REV1: variants seen among roughly 807,000 people sequenced by gnomAD.
REV1 encodes translesion synthesis protein REV1.
In REV1, 42 loss-of-function variants were observed where a neutral mutation model predicts 137.4. The ratio of observed to expected loss-of-function variants is 0.31; its 90% CI spans 0.24 to 0.40. REV1 has a LOEUF of 0.40. Among genes scored for constraint, REV1 ranks in the 10% least tolerant of loss-of-function variants. The pLI, the probability that REV1 is intolerant of heterozygous loss-of-function variation, is 1.00. For missense variants in REV1, 1,282 were observed against 1,490.1 expected (o/e 0.86, Z 2.30); for synonymous variants, 524 against 519.2 (o/e 1.01, Z -0.12).
intron 1 of REV1, among the ~76,000 whole-genome samples, chr2:99,472,413 A>G (rs578015037): frequency 1.3e-5 from 2 of 152,372 alleles, no homozygotes; most frequent in East Asian, 3.9e-4. Flanking sequence ...TTTAACAGGT[A>G]GAGTCTCAGG....
intron 3 of REV1, chr2:99,451,648 C>T (rs1423412850): frequency 4.6e-6 from 2 of 436,664 alleles, no homozygotes; most frequent in East Asian, 1.4e-4. Flanking sequence ...AAAGCTGTTA[C>T]AATGAAATTA....
chr2:99,463,228 T>G (rs1684429057), intron 2 of REV1, among the ~76,000 whole-genome samples: 1 of 151,500 alleles, frequency 6.6e-6, no homozygotes. Flanking sequence ...AAGTCAATAA[T>G]AATAATACTG....
Position 99,402,934 on chromosome 2 carries a change from A to G in REV1, c.3339T>C (p.Ile1113=). 6.2e-7 allele frequency: 1 copy of G among 1,614,182 alleles called. No homozygotes were observed. Among genetic ancestry groups the G allele is most frequent in the Non-Finnish European group, 8.5e-7 (1 of 1,180,040 alleles). Residue 1113 remains isoleucine, a synonymous_variant, in exon 20 of 23, where the codon ATT becomes ATC. Coordinates refer to ENST00000258428, the MANE Select transcript of REV1 (RefSeq NM_016316.4). The part of the protein sequence containing the change: ...PGACGSPQKL[I]DGFLKHEGPP... ...GTCCTTCATGTTTTAGAAACCCATC[A>G]ATTAACTTCTGGGGACTGCCACAGG...
intron 1 of REV1, among the ~76,000 whole-genome samples, chr2:99,468,547 A>G (rs1249889364): frequency 6.6e-6 from 1 of 152,208 alleles, no homozygotes; most frequent in Non-Finnish European, 1.5e-5. Flanking sequence ...CTTGTAAACA[A>G]AAATTGCCTT....
At chr2:99,411,006 G>A in intron 13 of REV1, 139 bp from the exon 14 acceptor site, 2 of 730,042 alleles carry the variant, frequency 2.7e-6, no homozygotes, top group South Asian at 2.5e-5. Context: ...AAGAAACGTG[G>A]CCAGGCGCGG....
chr2:99,424,962 T>G, intron 9 of REV1: 6 of 1,140,518 alleles, frequency 5.3e-6, no homozygotes, highest in Non-Finnish European at 6.9e-6. Flanking sequence ...CTTTGACATT[T>G]GGAGCATTCA....
intron 3 of REV1, among the ~76,000 whole-genome samples, chr2:99,460,145 C>T (rs564726477): frequency 1.3e-5 from 2 of 152,280 alleles, no homozygotes; most frequent in South Asian, 2.1e-4. Flanking sequence ...GGCGCAATCT[C>T]GGCTCACTTC....
At chr2:99,405,819 T>C in intron 17 of REV1, 91 bp downstream of exon 17, 1 of 944,394 alleles carries the variant, frequency 1.1e-6, no homozygotes, top group Non-Finnish European at 1.5e-6. Flanking sequence ...GATGAAGAAA[T>C]AAAAATGCCA....
At chr2:99,486,168 T>C (rs1156995179) in intron 1 of REV1, among the ~76,000 whole-genome samples, 1 of 152,176 alleles carries the variant, frequency 6.6e-6, no homozygotes, top group Non-Finnish European at 1.5e-5. Flanking sequence ...CCCACCTTTA[T>C]CTCATGCCAA....
intron 1 of REV1, among the ~76,000 whole-genome samples, chr2:99,471,877 G>A (rs2105230805): frequency 1.4e-5 from 2 of 142,750 alleles, no homozygotes; most frequent in East Asian, 2.0e-4. Context: ...CACCCAGCAG[G>A]ATAGCTACTA....
intron 10 of REV1, 77 bp downstream of exon 10, chr2:99,424,075 A>G: frequency 2.8e-6 from 4 of 1,448,554 alleles, no homozygotes; most frequent in Non-Finnish European, 3.7e-6. Context: ...ACAATCCTAA[A>G]GAAAACTTGA....
rs1559349673 is a variant in REV1 at position 99,438,917 on chromosome 2, T to C, written c.897A>G (p.Ser299=). 1 of 1,613,302 alleles carries C rather than the reference T, an allele frequency of 6.2e-7. No individual in the cohort carries two copies. Among genetic ancestry groups the C allele is most frequent in the Non-Finnish European group, 8.5e-7 (1 of 1,179,236 alleles). The change falls in exon 6 of 23, where the codon TCA becomes TCG. Residue 299 remains serine, a synonymous_variant. Coordinates refer to ENST00000258428, the MANE Select transcript of REV1 (RefSeq NM_016316.4). ...LRNPHRTNSF[S]LSPLHSNTKI... ...TAGTGTTACTGTGCAAAGGTGATAA[T>C]GAGAAAGAATTAGTTCTGTGTGGAT...
At chr2:99,403,213 C>T (rs1675749485) in intron 19 of REV1, 107 bp from the exon 20 acceptor site, 1 of 879,824 alleles carries the variant, frequency 1.1e-6, no homozygotes, top group African/African-American at 1.7e-5. Flanking sequence ...GCTCCCTAGC[C>T]TACACCTCCC....
intron 8 of REV1, among the ~76,000 whole-genome samples, chr2:99,431,399 T>C (rs1680105398): frequency 6.6e-6 from 1 of 152,156 alleles, no homozygotes; most frequent in African/African-American, 2.4e-5. Context: ...AGGGTAAATA[T>C]AAATTTTAAT....
chr2:99,410,522 A>G (rs1240323065), intron 14 of REV1, among the ~76,000 whole-genome samples, 173 bp downstream of exon 14: 3 of 152,220 alleles, frequency 2.0e-5, no homozygotes, highest in Admixed American at 6.5e-5. Context: ...GCTGAAACCA[A>G]GTGCATTAAC....
At position 99,445,090 on chromosome 2, in the gene REV1, G is replaced by T. The variant is rs184493708; in HGVS notation, c.351-2621C>A. 2.3e-3 allele frequency among the ~76,000 whole-genome samples: 345 copies of T among 151,246 alleles called. 5 individuals carry two copies. The highest frequency in any genetic ancestry group is 8.2e-3 in the African/African-American group (336 of 41,162). On this transcript the variant is annotated intron_variant, in intron 4 of 22. Coordinates refer to ENST00000258428, the MANE Select transcript of REV1 (RefSeq NM_016316.4). ...GTGAAATATTCATCTATTTTGGGAA[G>T]TCTTACTCTTGCTTTGTCCTACAGC...
intron 3 of REV1, among the ~76,000 whole-genome samples, chr2:99,455,237 C>T (rs1006661530): frequency 6.6e-6 from 1 of 152,202 alleles, no homozygotes; most frequent in Admixed American, 6.5e-5. Context: ...ACCATGGCAA[C>T]ATCTTCATTA....
At chr2:99,464,885 A>G (rs756614476) in intron 2 of REV1, 37 bp downstream of exon 2, 1 of 1,568,844 alleles carries the variant, frequency 6.4e-7, no homozygotes, top group Non-Finnish European at 8.8e-7. Context: ...ATAACTAGAC[A>G]GTTCGATATA....
At chr2:99,437,050 G>A (rs28382890) in intron 6 of REV1, among the ~76,000 whole-genome samples, 34 of 147,860 alleles carry the variant, frequency 2.3e-4, no homozygotes, top group African/African-American at 8.5e-4. Context: ...GTGCAGTGGT[G>A]CGATCTGCAA....
Sources: allele counts gnomAD v4.1 joint callset (sites outside exome capture counted in the v4.1 genomes callset), GRCh38; gene constraint gnomAD v4.1.1; transcripts MANE v1.5; gene names NCBI Gene and HGNC (gene_info 2026-07-23, HGNC 2026-07-21).